Variants in PIK3C2G observed in about 807,000 individuals in gnomAD.
PIK3C2G encodes the protein phosphatidylinositol-4-phosphate 3-kinase catalytic subunit type 2 gamma.
Under a neutral mutation model 181.1 loss-of-function variants are expected in PIK3C2G, and 168 were observed. The ratio of observed to expected loss-of-function variants is 0.93; its 90% CI spans 0.82 to 1.05. PIK3C2G has a LOEUF of 1.05. PIK3C2G is among the 50% of genes least tolerant of loss of function. PIK3C2G has a pLI of 0.00. For missense variants in PIK3C2G, 1,869 were observed against 1,732.8 expected (o/e 1.08, Z -1.40); for synonymous variants, 573 against 592.2 (o/e 0.97, Z 0.47).
the PIK3C2G span, among the ~76,000 whole-genome samples, chr12:18,659,693 CT>C: frequency 0.022 from 2,296 of 102,828 alleles, 53 homozygotes; most frequent in African/African-American, 0.072. Context: ...TATTATTATA[CT>C]TTAAGTTTTA....
At chr12:18,361,244 T>C (rs192126172) in intron 11 of PIK3C2G, among the ~76,000 whole-genome samples, 4 of 152,170 alleles carry the variant, frequency 2.6e-5, no homozygotes, top group African/African-American at 9.7e-5. Flanking sequence ...TTTAGCTCCA[T>C]AATTTCTATT....
chr12:18,602,704 T>G (rs1947800900), intron 30 of PIK3C2G, among the ~76,000 whole-genome samples: 1 of 152,068 alleles, frequency 6.6e-6, no homozygotes, highest in Non-Finnish European at 1.5e-5. Context: ...CAGGACTCTG[T>G]GCAGACAGCC....
At chr12:18,631,318 G>A (rs4764409) in intron 31 of PIK3C2G, among the ~76,000 whole-genome samples, 28,623 of 151,976 alleles carry the variant, frequency 0.19, 3,408 homozygotes, top group Admixed American at 0.35. Flanking sequence ...ATGCACTCCC[G>A]ACTTCAACTA....
chr12:18,395,509 T>C (rs909285085), intron 15 of PIK3C2G, among the ~76,000 whole-genome samples: 1 of 148,790 alleles, frequency 6.7e-6, no homozygotes, highest in Non-Finnish European at 1.5e-5. Context: ...CTATACAAAA[T>C]AGTAAAAGAA....
At chr12:18,298,125 T>C (rs1178348190) in intron 5 of PIK3C2G, among the ~76,000 whole-genome samples, 1 of 152,056 alleles carries the variant, frequency 6.6e-6, no homozygotes, top group Non-Finnish European at 1.5e-5. Flanking sequence ...ATGGTTGTAG[T>C]AATTTACATT....
intron 31 of PIK3C2G, among the ~76,000 whole-genome samples, chr12:18,628,881 A>G (rs114661810): frequency 0.011 from 1,614 of 152,214 alleles, 26 homozygotes; most frequent in African/African-American, 0.037. Context: ...TTTTTGAGCC[A>G]GAGAGTTGGA....
chr12:18,487,472 T>C (rs1020192187), intron 18 of PIK3C2G, among the ~76,000 whole-genome samples: 1 of 152,110 alleles, frequency 6.6e-6, no homozygotes, highest in African/African-American at 2.4e-5. Context: ...TTTTAGTTCC[T>C]TGAATGCTAA....
chr12:18,371,385 T>C (rs1942050330), intron 13 of PIK3C2G, 74 bp downstream of exon 13: 1 of 1,239,956 alleles, frequency 8.1e-7, no homozygotes, highest in Non-Finnish European at 1.1e-6. Flanking sequence ...TTTTGGAGTA[T>C]ATGGCATAAT....
chr12:18,703,268 T>C, the PIK3C2G span, among the ~76,000 whole-genome samples: 2 of 152,164 alleles, frequency 1.3e-5, no homozygotes, highest in African/African-American at 4.8e-5. Flanking sequence ...ATCACACAGT[T>C]CATTTTTTTC....
At chr12:18,481,330 G>A (rs114414147) in intron 18 of PIK3C2G, among the ~76,000 whole-genome samples, 171 of 152,258 alleles carry the variant, frequency 1.1e-3, no homozygotes, top group African/African-American at 4.0e-3. Context: ...ACGTTTTTCT[G>A]TGAGATGAAT....
intron 8 of PIK3C2G, among the ~76,000 whole-genome samples, chr12:18,336,337 T>C (rs1054107776): frequency 1.3e-5 from 2 of 152,092 alleles, no homozygotes; most frequent in African/African-American, 4.8e-5. Flanking sequence ...AACAAACAGA[T>C]CTTGACTTCA....
intron 10 of PIK3C2G, among the ~76,000 whole-genome samples, chr12:18,344,549 C>T (rs1345652903): frequency 1.3e-5 from 2 of 152,080 alleles, no homozygotes; most frequent in African/African-American, 4.8e-5. Context: ...GAGCTGCAGG[C>T]GTGTCTGTAT....
chr12:18,637,881 T>C lies in PIK3C2G; in HGVS notation c.4183-2548T>C, dbSNP rs531953436. ...TCCAGCCTGTCCACCTTTTGGTCCA[T>C]GTGTCAGCCAACCCAGCACACTGTT... On this transcript the variant is annotated intron_variant, in intron 31 of 32. Coordinates refer to ENST00000538779, the MANE Select transcript of PIK3C2G (RefSeq NM_001288772.2). Among the ~76,000 whole-genome samples the C allele has an allele frequency of 2.0e-5, 3 of 152,322 alleles. 1 individual carries two copies. Among genetic ancestry groups the C allele is most frequent in the Admixed American group, 6.5e-5 (1 of 15,294 alleles).
At chr12:18,569,879 G>A (rs2136368818) in intron 29 of PIK3C2G, among the ~76,000 whole-genome samples, 1 of 152,112 alleles carries the variant, frequency 6.6e-6, no homozygotes, top group East Asian at 1.9e-4. Flanking sequence ...CTTTCATGAA[G>A]TGCCAGTTCA....
intron 29 of PIK3C2G, among the ~76,000 whole-genome samples, chr12:18,574,122 G>A (rs561930523): frequency 3.3e-5 from 5 of 152,248 alleles, no homozygotes; most frequent in African/African-American, 9.6e-5. Context: ...TCTTATTTGA[G>A]ATGAATGCTA....
At chr12:18,640,630 A>T in intron 32 of PIK3C2G, 76 bp downstream of exon 32, 1 of 1,336,496 alleles carries the variant, frequency 7.5e-7, no homozygotes, top group South Asian at 1.3e-5. Context: ...CAAATATGGA[A>T]AATTTGCAGT....
chr12:18,431,304 A>C (rs2135761038), intron 18 of PIK3C2G, among the ~76,000 whole-genome samples: 1 of 152,344 alleles, frequency 6.6e-6, no homozygotes, highest in South Asian at 2.1e-4. Flanking sequence ...AATAAAACAA[A>C]GGATGATCCT....
At chr12:18,533,995 G>A (rs1943704505) in intron 24 of PIK3C2G, among the ~76,000 whole-genome samples, 1 of 130,936 alleles carries the variant, frequency 7.6e-6, no homozygotes, top group Non-Finnish European at 1.5e-5. Flanking sequence ...TGTCTCCCAG[G>A]CTGGAGTGCA....
At chr12:18,298,474 T>G (rs894233093) in intron 5 of PIK3C2G, among the ~76,000 whole-genome samples, 4 of 151,476 alleles carry the variant, frequency 2.6e-5, no homozygotes, top group Admixed American at 6.6e-5. Flanking sequence ...GATTAACAGT[T>G]TGCAAATACT....
Sources: allele counts gnomAD v4.1 joint callset (sites outside exome capture counted in the v4.1 genomes callset), GRCh38; gene constraint gnomAD v4.1.1; transcripts MANE v1.5; gene names NCBI Gene and HGNC (gene_info 2026-07-23, HGNC 2026-07-21).